ZCCHC17: variants seen among roughly 807,000 people sequenced by gnomAD.
ZCCHC17 encodes the protein zinc finger CCHC-type containing 17.
A neutral mutation model predicts 30.6 loss-of-function variants in ZCCHC17; 18 were observed. That is an observed-to-expected ratio of 0.59 (90% CI 0.41 to 0.87). The LOEUF (loss-of-function observed/expected upper bound fraction) is 0.87. ZCCHC17 is among the 40% of genes least tolerant of loss of function. ZCCHC17 has a pLI of 0.00. For synonymous variants in ZCCHC17, 88 were observed against 92.4 expected (o/e 0.95, Z 0.27); for missense variants, 263 against 284.2 (o/e 0.93, Z 0.54).
At position 31,333,832 on chromosome 1, in the gene ZCCHC17, G is replaced by A. The variant is rs542858674; in HGVS notation, c.125-3343G>A. Among the ~76,000 whole-genome samples, 160 of 152,152 alleles carry A rather than the reference G, an allele frequency of 1.1e-3. 1 individual carries two copies. Among genetic ancestry groups the A allele is most frequent in the African/African-American group, 3.7e-3 (152 of 41,488 alleles). On this transcript the variant is annotated intron_variant, in intron 3 of 7. Transcript: ENST00000344147. ...CCAGTAAATAGACTTTCTGTTTTAG[G>A]GAAGAAGAATAGTGTTCCCTCAAGT...
At chr1:31,305,320 T>C (rs1056351199) in intron 1 of ZCCHC17, among the ~76,000 whole-genome samples, 4 of 151,998 alleles carry the variant, frequency 2.6e-5, no homozygotes, top group Non-Finnish European at 4.4e-5. Context: ...CATTTTGTCT[T>C]CTAGGCTGGA....
intron 2 of ZCCHC17, among the ~76,000 whole-genome samples, chr1:31,316,203 A>T (rs776250425): frequency 7.2e-5 from 11 of 152,102 alleles, no homozygotes; most frequent in Non-Finnish European, 1.2e-4. Context: ...CTGTGTTCAA[A>T]CGATTTTCGT....
chr1:31,305,841 A>G (rs1488666941), intron 1 of ZCCHC17, among the ~76,000 whole-genome samples: 2 of 152,200 alleles, frequency 1.3e-5, no homozygotes, highest in Non-Finnish European at 2.9e-5. Flanking sequence ...AAAAAGTTTT[A>G]TATTCCATAT....
At chr1:31,339,100 A>C (rs746647463) in intron 5 of ZCCHC17, 52 bp downstream of exon 5, 9 of 1,395,350 alleles carry the variant, frequency 6.4e-6, no homozygotes, top group Non-Finnish European at 9.0e-6. Context: ...CAAATCATAA[A>C]ATGGTTTAGT....
intron 2 of ZCCHC17, among the ~76,000 whole-genome samples, chr1:31,313,300 C>T (rs1187501709): frequency 6.6e-6 from 1 of 152,056 alleles, no homozygotes; most frequent in Non-Finnish European, 1.5e-5. Flanking sequence ...TTTTGAACTC[C>T]TGAGCTCAAG....
intron 7 of ZCCHC17, among the ~76,000 whole-genome samples, chr1:31,355,279 C>T (rs1397492771): frequency 6.6e-6 from 1 of 151,598 alleles, no homozygotes; most frequent in Admixed American, 6.6e-5. Flanking sequence ...AAGGGTAAAA[C>T]TTTCCTCTTG....
At chr1:31,347,359 C>CT (rs1419591369) in intron 6 of ZCCHC17, among the ~76,000 whole-genome samples, 1 of 152,192 alleles carries the variant, frequency 6.6e-6, no homozygotes, top group Admixed American at 6.5e-5. Flanking sequence ...ATTGTCACCC[C>CT]TTCTCCCTAG....
intron 1 of ZCCHC17, among the ~76,000 whole-genome samples, chr1:31,305,629 A>G (rs1264455836): frequency 6.6e-6 from 1 of 151,564 alleles, no homozygotes; most frequent in Non-Finnish European, 1.5e-5. Context: ...TTTTGTGGAG[A>G]TGGGGTGTCG....
At chr1:31,335,222 G>GT (rs1240749603) in intron 3 of ZCCHC17, among the ~76,000 whole-genome samples, 1 of 152,148 alleles carries the variant, frequency 6.6e-6, no homozygotes, top group African/African-American at 2.4e-5. Context: ...TTGCCATCTG[G>GT]TGGTAAAGAT....
intron 7 of ZCCHC17, among the ~76,000 whole-genome samples, chr1:31,359,604 G>A (rs571313388): frequency 4.1e-4 from 62 of 151,912 alleles, no homozygotes; most frequent in Non-Finnish European, 8.7e-4. Context: ...TTCAGTTTTT[G>A]CTTTTATTTT....
At chr1:31,350,863 A>G (rs771258861) in intron 7 of ZCCHC17, among the ~76,000 whole-genome samples, 1 of 152,084 alleles carries the variant, frequency 6.6e-6, no homozygotes, top group Non-Finnish European at 1.5e-5. Context: ...TCGCCTCCCA[A>G]AGTGTTGGGA....
intron 3 of ZCCHC17, among the ~76,000 whole-genome samples, chr1:31,322,914 G>A (rs775864144): frequency 4.6e-5 from 7 of 152,032 alleles, no homozygotes; most frequent in Non-Finnish European, 1.0e-4. Flanking sequence ...TAGAGACGGG[G>A]TTTCACTATG....
At chr1:31,313,879 T>G (rs144408713) in intron 2 of ZCCHC17, among the ~76,000 whole-genome samples, 2 of 152,082 alleles carry the variant, frequency 1.3e-5, no homozygotes, top group East Asian at 3.9e-4. Flanking sequence ...CTCTTTTTTT[T>G]TTTTGGACAG....
chr1:31,298,807 A>G (rs573446944), intron 1 of ZCCHC17, among the ~76,000 whole-genome samples: 9 of 152,346 alleles, frequency 5.9e-5, no homozygotes, highest in South Asian at 2.1e-4. Flanking sequence ...AAAATTGGGC[A>G]TAATTTGTAT....
intron 3 of ZCCHC17, among the ~76,000 whole-genome samples, chr1:31,329,726 C>G (rs1638505372): frequency 6.6e-6 from 1 of 152,086 alleles, no homozygotes; most frequent in Admixed American, 6.6e-5. Context: ...GGTGGGTGTT[C>G]AGTAAATCTC....
chr1:31,314,456 A>C (rs991569981), intron 2 of ZCCHC17, among the ~76,000 whole-genome samples: 2 of 152,076 alleles, frequency 1.3e-5, no homozygotes, highest in African/African-American at 4.8e-5. Flanking sequence ...AAAAAAAAAA[A>C]AGGTGTAAGC....
intron 1 of ZCCHC17, among the ~76,000 whole-genome samples, chr1:31,300,432 TG>T (rs1461401901): frequency 6.6e-6 from 1 of 152,166 alleles, no homozygotes; most frequent in East Asian, 1.9e-4. Flanking sequence ...GTGTTGTTCC[TG>T]GAAGTTCCGC....
intron 5 of ZCCHC17, among the ~76,000 whole-genome samples, chr1:31,342,822 G>A (rs1639096226): frequency 6.6e-6 from 1 of 152,188 alleles, no homozygotes; most frequent in African/African-American, 2.4e-5. Context: ...GGCCTTGATG[G>A]TCAGAGAATA....
chr1:31,321,586 T>C (rs1345086180), intron 3 of ZCCHC17, among the ~76,000 whole-genome samples: 1 of 152,216 alleles, frequency 6.6e-6, no homozygotes, highest in African/African-American at 2.4e-5. Context: ...GTGATTTTCA[T>C]GCCTCAGCTT....
Sources: allele counts gnomAD v4.1 joint callset (sites outside exome capture counted in the v4.1 genomes callset), GRCh38; gene constraint gnomAD v4.1.1; transcripts MANE v1.5; gene names NCBI Gene and HGNC (gene_info 2026-07-23, HGNC 2026-07-21).